Variants in B3GALT1 observed in about 807,000 individuals in gnomAD.
B3GALT1 encodes the protein UDP-Gal:betaGlcNAc beta 1,3-galactosyltransferase, polypeptide 1.
A neutral mutation model predicts 23.2 loss-of-function variants in B3GALT1; 10 were observed. The ratio of observed to expected loss-of-function variants is 0.43; its 90% CI spans 0.27 to 0.73. The LOEUF is 0.73. Ranked by LOEUF, B3GALT1 falls within the 30% of genes least tolerant of loss-of-function variation. The pLI, the probability that B3GALT1 is intolerant of heterozygous loss-of-function variation, is 0.21. For missense variants in B3GALT1, 299 were observed against 405.4 expected, an observed-to-expected ratio of 0.74 and a Z score of 2.25; for synonymous variants, 156 against 141.5, an observed-to-expected ratio of 1.10 and a Z score of -0.73.
intron 1 of B3GALT1, among the ~76,000 whole-genome samples, chr2:167,439,396 ATTTAC>A (rs1443288192): frequency 1.3e-5 from 2 of 151,882 alleles, no homozygotes; most frequent in East Asian, 3.9e-4. Context: ...GTCATTTTGT[ATTTAC>A]TTATTTTCAA....
At chr2:167,482,646 C>T (rs954864526) in intron 1 of B3GALT1, among the ~76,000 whole-genome samples, 3 of 152,104 alleles carry the variant, frequency 2.0e-5, no homozygotes, top group Non-Finnish European at 4.4e-5. Flanking sequence ...CAAGCATAAA[C>T]CTGACCAACA....
intron 1 of B3GALT1, among the ~76,000 whole-genome samples, chr2:167,442,795 G>A (rs1698916185): frequency 6.8e-6 from 1 of 146,638 alleles, no homozygotes; most frequent in Non-Finnish European, 1.5e-5. Flanking sequence ...AGATGAGTAG[G>A]TTGCGAAAAT....
chr2:167,695,855 A>G (rs1275265158), intron 3 of B3GALT1, among the ~76,000 whole-genome samples: 1 of 152,078 alleles, frequency 6.6e-6, no homozygotes, highest in Admixed American at 6.6e-5. Context: ...ATGACCTACG[A>G]TGGCTACCGT....
chr2:167,704,883 A>T (rs139517284), intron 3 of B3GALT1, among the ~76,000 whole-genome samples: 2 of 152,316 alleles, frequency 1.3e-5, no homozygotes, highest in East Asian at 3.9e-4. Context: ...TTCCAAGGAT[A>T]GAAGCTTTTT....
At chr2:167,322,875 C>G (rs958978062) in intron 1 of B3GALT1, among the ~76,000 whole-genome samples, 2 of 151,878 alleles carry the variant, frequency 1.3e-5, no homozygotes, top group African/African-American at 2.4e-5. Context: ...GGCTTTCAGA[C>G]AAAAATCTTC....
intron 3 of B3GALT1, among the ~76,000 whole-genome samples, chr2:167,657,326 C>T (rs1391611089): frequency 6.6e-6 from 1 of 151,870 alleles, no homozygotes; most frequent in Admixed American, 6.6e-5. Context: ...GGAGAGTATA[C>T]AGAGAGAGAA....
At chr2:167,433,553 C>T (rs561311770) in intron 1 of B3GALT1, among the ~76,000 whole-genome samples, 2 of 152,080 alleles carry the variant, frequency 1.3e-5, no homozygotes, top group South Asian at 4.2e-4. Context: ...TCTCAGAGAT[C>T]AATAATATAG....
intron 2 of B3GALT1, among the ~76,000 whole-genome samples, chr2:167,530,113 A>G (rs969670881): frequency 4.6e-5 from 7 of 152,066 alleles, no homozygotes; most frequent in Non-Finnish European, 1.0e-4. Flanking sequence ...AATCTCTGTG[A>G]CACTGATCTC....
chr2:167,358,788 T>TA (rs1697456987), intron 1 of B3GALT1, among the ~76,000 whole-genome samples: 1 of 152,142 alleles, frequency 6.6e-6, no homozygotes. Context: ...GTAATTCTTA[T>TA]TAACAATATA....
chr2:167,430,335 T>C (rs913581637), intron 1 of B3GALT1, among the ~76,000 whole-genome samples: 4 of 152,174 alleles, frequency 2.6e-5, no homozygotes, highest in Non-Finnish European at 2.9e-5. Flanking sequence ...CCAGACCCAG[T>C]AGGACCTTGT....
At chr2:167,541,106 G>A (rs1020130421) in intron 2 of B3GALT1, among the ~76,000 whole-genome samples, 13 of 152,076 alleles carry the variant, frequency 8.5e-5, no homozygotes, top group Non-Finnish European at 1.9e-4. Flanking sequence ...TTACTGAAGA[G>A]TAAGTTCTGA....
At chr2:167,621,089 CTT>C (rs35420239) in intron 2 of B3GALT1, among the ~76,000 whole-genome samples, 9 of 129,152 alleles carry the variant, frequency 7.0e-5, no homozygotes, top group South Asian at 2.4e-4. Context: ...TTTTTCAGTT[CTT>C]TTTTTTTTTT....
At chr2:167,684,661 A>C (rs1686586852) in intron 3 of B3GALT1, among the ~76,000 whole-genome samples, 1 of 152,242 alleles carries the variant, frequency 6.6e-6, no homozygotes, top group African/African-American at 2.4e-5. Flanking sequence ...ATATTTTGTA[A>C]CACTAATCAA....
rs1372267673 is a variant in B3GALT1, at chr2:167,869,391, C to T, written c.352C>T (p.Leu118=). ...KGIKIATLFL[L]GKNADPVLNQ... Reference sequence around the variant, plus strand: ...GATCAAGATAGCCACCCTGTTCCTCCTGGGCAAGAATGCTGATCCTGTTCT... The same window carrying T: ...GATCAAGATAGCCACCCTGTTCCTCTTGGGCAAGAATGCTGATCCTGTTCT... Residue 118 remains leucine (L), a synonymous_variant, in exon 5 of 5, where the codon CTG becomes TTG. Transcript: ENST00000392690. The surrounding 1 kb of genome is among the most constrained non-coding windows in gnomAD (Gnocchi z 6.4). 1 of 1,614,146 alleles carries T rather than the reference C, an allele frequency of 6.2e-7. No homozygotes were observed. The highest frequency in any genetic ancestry group is 2.2e-5 in the East Asian group (1 of 44,864).
chr2:167,461,251 A>C (rs1464073738), intron 1 of B3GALT1, among the ~76,000 whole-genome samples: 1 of 152,260 alleles, frequency 6.6e-6, no homozygotes, highest in African/African-American at 2.4e-5. Flanking sequence ...CCATAGGGCT[A>C]GGTCTAGGGG....
chr2:167,328,418 G>T (rs1696927848), intron 1 of B3GALT1, among the ~76,000 whole-genome samples: 3 of 151,956 alleles, frequency 2.0e-5, no homozygotes. Context: ...GTCTATTCAG[G>T]TTTTCTTCCT....
chr2:167,570,726 C>T (rs1684277067), intron 2 of B3GALT1, among the ~76,000 whole-genome samples: 1 of 151,792 alleles, frequency 6.6e-6, no homozygotes, highest in African/African-American at 2.4e-5. Context: ...AGATTTTAAT[C>T]AGTGTTCTTT....
chr2:167,644,367 T>C (rs1343294459), intron 2 of B3GALT1, among the ~76,000 whole-genome samples: 1 of 152,094 alleles, frequency 6.6e-6, no homozygotes, highest in East Asian at 1.9e-4. Context: ...CCTGGAAGAC[T>C]TGAAAGGAGC....
chr2:167,847,347 G>A (rs897285116), intron 4 of B3GALT1, among the ~76,000 whole-genome samples: 6 of 152,146 alleles, frequency 3.9e-5, no homozygotes, highest in African/African-American at 1.4e-4. Context: ...CATACAACAA[G>A]TCTCAATAAA....
Sources: allele counts gnomAD v4.1 joint callset (sites outside exome capture counted in the v4.1 genomes callset), GRCh38; gene constraint gnomAD v4.1.1; non-coding constraint Gnocchi (gnomAD v3.1); transcripts MANE v1.5; gene names NCBI Gene and HGNC (gene_info 2026-07-23, HGNC 2026-07-21).